Variants in PDE1C observed in about 807,000 individuals in gnomAD.
PDE1C encodes dual specificity calcium/calmodulin-dependent 3',5'-cyclic nucleotide phosphodiesterase 1C.
PDE1C carries 62 observed loss-of-function variants against 93.1 expected under a neutral mutation model. The observed-to-expected ratio is 0.67, with a 90% CI of 0.54 to 0.82. The LOEUF (loss-of-function observed/expected upper bound fraction) is 0.82. PDE1C is among the 40% of genes least tolerant of loss of function. The pLI is 0.00. For missense variants in PDE1C, 742 were observed against 884.6 expected (o/e 0.84, Z 2.04); for synonymous variants, 325 against 310.1 (o/e 1.05, Z -0.50).
intron 1 of PDE1C, among the ~76,000 whole-genome samples, chr7:32,219,189 T>C (rs1806650232): frequency 6.6e-6 from 1 of 152,128 alleles, no homozygotes; most frequent in Admixed American, 6.5e-5. Flanking sequence ...GGGTCCTTTG[T>C]GGCCTGGAGT....
At chr7:31,736,268 A>G in the PDE1C span, among the ~76,000 whole-genome samples, 5 of 152,218 alleles carry the variant, frequency 3.3e-5, no homozygotes, top group Non-Finnish European at 5.9e-5. Flanking sequence ...TGTCCCTACA[A>G]TGAGGCCTGT....
Position 31,873,339 on chromosome 7 carries a change from T to G in PDE1C, c.562A>C (p.Ile188Leu). The G allele has an allele frequency of 6.2e-7, 1 of 1,613,706 alleles. No individual in the cohort carries two copies. Among genetic ancestry groups the G allele is most frequent in the South Asian group, 1.1e-5 (1 of 91,060 alleles). ...TAACGTGTGAGTAGTTCATAGAAAATAAATTTCAGTGCATGATCCCCACTG... is the reference window on the plus strand; with the variant it reads ...TAACGTGTGAGTAGTTCATAGAAAAGAAATTTCAGTGCATGATCCCCACTG... ...EASGDHALKF[I>L]FYELLTRYDL... is the part of the protein sequence containing the mutation. Residue 188 changes from isoleucine to leucine, a missense_variant, in exon 6 of 18, where the codon ATT becomes CTT. Physicochemically the swap from Ile to Leu is conservative, Grantham distance 5. This residue lies in a region of PDE1C where 205 missense variants were observed against 295.3 expected (regional missense o/e 0.69). Transcript: ENST00000396191.
At chr7:32,236,002 AT>A (rs1251534350) in intron 1 of PDE1C, among the ~76,000 whole-genome samples, 1 of 152,110 alleles carries the variant, frequency 6.6e-6, no homozygotes, top group Non-Finnish European at 1.5e-5. Context: ...AATATGGCCA[AT>A]TGATTTTTGA....
At chr7:31,724,690 A>G in the PDE1C span, among the ~76,000 whole-genome samples, 2 of 152,246 alleles carry the variant, frequency 1.3e-5, no homozygotes, top group Admixed American at 6.5e-5. Context: ...AGGAAATAGC[A>G]GCTCTAAATA....
the PDE1C span, chr7:31,653,011 G>C: frequency 7.2e-7 from 1 of 1,397,006 alleles, no homozygotes; most frequent in Non-Finnish European, 9.4e-7. Flanking sequence ...ATTCAGTATA[G>C]AATAACTGAG....
rs370891959 is a variant in PDE1C, at chr7:32,214,768, C to T, written c.86-5229G>A. Among the ~76,000 whole-genome samples, 26 of 152,252 alleles carry T rather than the reference C, an allele frequency of 1.7e-4. No individual in the cohort carries two copies. In the East Asian group the frequency reaches 1.9e-3, roughly 11 times the overall value. On this transcript the variant is annotated intron_variant, in intron 1 of 18. Coordinates refer to the PDE1C transcript ENST00000396193. ...AGTGGGCAACTCTTTGCATTGTAAACGGTTCTTTATAAAAGGATTCACCTC... is the reference window on the plus strand; with the variant it reads ...AGTGGGCAACTCTTTGCATTGTAAATGGTTCTTTATAAAAGGATTCACCTC...
intron 7 of PDE1C, among the ~76,000 whole-genome samples, chr7:31,853,878 ATTTTTT>A (rs60293827): frequency 8.0e-6 from 1 of 124,534 alleles, no homozygotes; most frequent in African/African-American, 3.0e-5. Flanking sequence ...ATGCCCAGCT[ATTTTTT>A]TTTTTTTTTT....
At chr7:31,836,338 CT>C (rs34721965) in intron 11 of PDE1C, among the ~76,000 whole-genome samples, 37,453 of 151,922 alleles carry the variant, frequency 0.25, 4,688 homozygotes, top group Middle Eastern at 0.39. Flanking sequence ...CCTGCCTGTT[CT>C]TTTTTTCTTT....
At chr7:31,925,039 CTG>C (rs70989622) in intron 2 of PDE1C, among the ~76,000 whole-genome samples, 9,784 of 135,028 alleles carry the variant, frequency 0.072, 412 homozygotes, top group East Asian at 0.21. Flanking sequence ...GTAGACATTT[CTG>C]TGTGTGTGTG....
chr7:31,761,165 A>C (rs1417010326), intron 17 of PDE1C, among the ~76,000 whole-genome samples: 2 of 63,574 alleles, frequency 3.1e-5, no homozygotes, highest in Non-Finnish European at 7.1e-5. Flanking sequence ...GGATTCACAC[A>C]CATGCAATCT....
chr7:32,184,040 T>A (rs1402510745), intron 2 of PDE1C, among the ~76,000 whole-genome samples: 1 of 152,068 alleles, frequency 6.6e-6, no homozygotes, highest in East Asian at 1.9e-4. Context: ...AAAAGACACA[T>A]GAAAAAATGC....
chr7:32,202,371 A>G (rs958736482), intron 2 of PDE1C, among the ~76,000 whole-genome samples: 29 of 152,122 alleles, frequency 1.9e-4, no homozygotes, highest in African/African-American at 6.5e-4. Context: ...ACAACCACCA[A>G]TGCTTTCCAG....
intron 11 of PDE1C, among the ~76,000 whole-genome samples, chr7:31,832,498 C>T (rs968599552): frequency 1.3e-5 from 2 of 152,136 alleles, no homozygotes; most frequent in African/African-American, 4.8e-5. Flanking sequence ...TAAAATGTAA[C>T]CCAACTTTCC....
chr7:31,768,515 A>G (rs1266888536), intron 17 of PDE1C, among the ~76,000 whole-genome samples: 1 of 152,212 alleles, frequency 6.6e-6, no homozygotes, highest in African/African-American at 2.4e-5. Context: ...TTATGTTTCC[A>G]TTATTTTACT....
chr7:31,850,944 G>A, intron 7 of PDE1C: 3 of 526,090 alleles, frequency 5.7e-6, no homozygotes, highest in South Asian at 2.2e-5. Context: ...TGTTCAGCAA[G>A]GTTGAATAAG....
At chr7:32,160,601 G>C (rs1801854671) in intron 3 of PDE1C, among the ~76,000 whole-genome samples, 1 of 152,190 alleles carries the variant, frequency 6.6e-6, no homozygotes, top group Non-Finnish European at 1.5e-5. Flanking sequence ...TGGCACTCTG[G>C]GAGGTCGAGG....
chr7:32,420,267 ATGTGTATATATATACATG>A lies in PDE1C; in HGVS notation c.310+7537_310+7554del, dbSNP rs1785389402. Reference sequence around the variant, plus strand: ...TGTATATATATACATGTGTATATATATGTGTATATATATACATGTGTATATATATGTGTATATATATAC... The same window carrying A: ...TGTATATATATACATGTGTATATATATGTATATATATGTGTATATATATAC... On this transcript the variant is annotated intron_variant, in intron 1 of 1. Coordinates refer to the PDE1C transcript ENST00000672256. Among the ~76,000 whole-genome samples the A allele has an allele frequency of 4.8e-5, 2 of 41,814 alleles. 1 individual carries two copies. The highest frequency in any genetic ancestry group is 9.9e-5 in the Non-Finnish European group (2 of 20,210). The allele number at this position is 41,814 out of a possible 152,430, so 27.4% of individuals were successfully genotyped here. A position where few individuals can be genotyped will look rare whatever the true frequency, so the allele number is the denominator to read the frequency against.
At chr7:32,102,661 C>A (rs1217374478) in intron 3 of PDE1C, among the ~76,000 whole-genome samples, 1 of 152,220 alleles carries the variant, frequency 6.6e-6, no homozygotes, top group Non-Finnish European at 1.5e-5. Context: ...ACTGCTTCTA[C>A]AGCATGGCAC....
intron 1 of PDE1C, among the ~76,000 whole-genome samples, chr7:32,055,409 G>T (rs918280628): frequency 2.6e-5 from 4 of 152,084 alleles, no homozygotes; most frequent in African/African-American, 7.2e-5. Context: ...CTTGACAGAA[G>T]TGAGTCTCAG....
Sources: gnomAD v4.1 joint callset for allele counts (sites outside exome capture counted in the v4.1 genomes callset) on GRCh38, gnomAD v4.1.1 for gene constraint, gnomAD v4.1.1 regional missense constraint, MANE v1.5 for transcripts, NCBI Gene and HGNC (gene_info 2026-07-23, HGNC 2026-07-21) for gene names.